CDH4: variants seen among roughly 807,000 people sequenced by gnomAD.
The protein encoded by CDH4 is cadherin-4.
A neutral mutation model predicts 86.0 loss-of-function variants in CDH4; 33 were observed. The observed-to-expected ratio is 0.38, with a 90% CI of 0.29 to 0.51. The LOEUF (loss-of-function observed/expected upper bound fraction) is 0.51. Among genes scored for constraint, CDH4 ranks in the 20% least tolerant of loss-of-function variants. CDH4 has a pLI of 0.86. For missense variants in CDH4, 1,114 were observed against 1,307.4 expected (o/e 0.85, Z 2.28); for synonymous variants, 555 against 549.4 (o/e 1.01, Z -0.14).
Position 61,320,131 on chromosome 20 carries a change from C to T in CDH4, c.169+65194C>T, listed in dbSNP as rs538005489. Among the ~76,000 whole-genome samples the T allele has an allele frequency of 3.3e-5, 5 of 152,168 alleles. No homozygotes were observed. In the South Asian group the frequency reaches 6.3e-4, roughly 19 times the overall value. On this transcript the variant is annotated intron_variant, in intron 2 of 15. Transcript: ENST00000614565. Reference sequence around the variant, plus strand: ...CAGCATCTCCCAGGTGGGACTGTTCCCTCTCTGCATTTATTTGGGCCTCGG... The same window carrying T: ...CAGCATCTCCCAGGTGGGACTGTTCTCTCTCTGCATTTATTTGGGCCTCGG...
intron 2 of CDH4, among the ~76,000 whole-genome samples, chr20:61,504,317 G>T (rs2085724996): frequency 1.3e-5 from 2 of 152,214 alleles, no homozygotes. Context: ...TCTCAAGGAA[G>T]CCTATTAGAT....
chr20:61,315,443 C>T (rs951096643), intron 2 of CDH4, among the ~76,000 whole-genome samples: 25 of 152,128 alleles, frequency 1.6e-4, no homozygotes, highest in Non-Finnish European at 5.9e-5. Flanking sequence ...AGCCAGCCAG[C>T]CTCAGACAGA....
At chr20:61,828,479 A>G (rs1981427361) in intron 4 of CDH4, among the ~76,000 whole-genome samples, 1 of 152,232 alleles carries the variant, frequency 6.6e-6, no homozygotes, top group Admixed American at 6.5e-5. Context: ...ATGAACCACA[A>G]GAAGATAGAA....
intron 13 of CDH4, among the ~76,000 whole-genome samples, chr20:61,931,003 T>G (rs1037097893): frequency 1.3e-5 from 2 of 152,194 alleles, no homozygotes; most frequent in African/African-American, 4.8e-5. Flanking sequence ...GCATCCGCAG[T>G]GGGGCCGGGG....
intron 2 of CDH4, among the ~76,000 whole-genome samples, chr20:61,731,009 G>C (rs1425531052): frequency 6.6e-6 from 1 of 152,086 alleles, no homozygotes. Context: ...AGCTGAGGGG[G>C]TCTCAGGCAG....
intron 2 of CDH4, among the ~76,000 whole-genome samples, chr20:61,415,033 G>C (rs918421299): frequency 6.6e-6 from 1 of 152,240 alleles, no homozygotes; most frequent in Non-Finnish European, 1.5e-5. Context: ...GGGCTTTTCC[G>C]CTAGCTGGAA....
intron 2 of CDH4, among the ~76,000 whole-genome samples, chr20:61,574,043 T>G (rs915204712): frequency 2.6e-5 from 4 of 152,112 alleles, no homozygotes; most frequent in Non-Finnish European, 5.9e-5. Context: ...GAGTGGACCT[T>G]CTGGCCAGCG....
intron 2 of CDH4, among the ~76,000 whole-genome samples, chr20:61,448,844 G>A (rs577047256): frequency 7.2e-5 from 11 of 152,122 alleles, no homozygotes; most frequent in African/African-American, 2.4e-4. Flanking sequence ...GCCAAACTTC[G>A]AGGTTAGTGA....
intron 2 of CDH4, among the ~76,000 whole-genome samples, chr20:61,561,135 A>G (rs1013176740): frequency 6.6e-6 from 1 of 152,108 alleles, no homozygotes; most frequent in Non-Finnish European, 1.5e-5. Context: ...ACCACCCCCA[A>G]GACCTGGGTG....
intron 2 of CDH4, among the ~76,000 whole-genome samples, chr20:61,532,058 T>C (rs938786553): frequency 6.6e-6 from 1 of 152,216 alleles, no homozygotes; most frequent in Admixed American, 6.5e-5. Context: ...CCTCAGGCTC[T>C]GCCACTGAGG....
At chr20:61,492,978 C>T (rs934869620) in intron 2 of CDH4, among the ~76,000 whole-genome samples, 2 of 152,170 alleles carry the variant, frequency 1.3e-5, no homozygotes, top group Admixed American at 6.5e-5. Flanking sequence ...TTTGAGCTGT[C>T]GTGCCTGTCA....
intron 2 of CDH4, among the ~76,000 whole-genome samples, chr20:61,572,477 G>T (rs914339660): frequency 6.6e-6 from 1 of 152,132 alleles, no homozygotes; most frequent in African/African-American, 2.4e-5. Flanking sequence ...GAGGGAAACG[G>T]CCGGCTGGGG....
At chr20:61,822,907 G>A (rs1393268725) in intron 4 of CDH4, among the ~76,000 whole-genome samples, 1 of 139,352 alleles carries the variant, frequency 7.2e-6, no homozygotes. Flanking sequence ...GAAGATCCCA[G>A]GTAACCCAAC....
chr20:61,753,266 C>A (rs1600948440), intron 3 of CDH4, among the ~76,000 whole-genome samples: 1 of 152,246 alleles, frequency 6.6e-6, no homozygotes, highest in South Asian at 2.1e-4. Context: ...AATTTCATTT[C>A]TCTTATGTCG....
intron 2 of CDH4, among the ~76,000 whole-genome samples, chr20:61,573,038 A>T (rs866042217): frequency 1.4e-5 from 2 of 143,388 alleles, no homozygotes; most frequent in African/African-American, 2.8e-5. Flanking sequence ...GGTTGGATGG[A>T]TGGATGGATG....
chr20:61,272,763 G>A (rs973203277), intron 2 of CDH4, among the ~76,000 whole-genome samples: 5 of 151,254 alleles, frequency 3.3e-5, no homozygotes, highest in African/African-American at 9.7e-5. Flanking sequence ...AGTACCATGC[G>A]TAGTTTGGGG....
intron 2 of CDH4, among the ~76,000 whole-genome samples, chr20:61,505,687 T>G (rs897424458): frequency 6.6e-6 from 1 of 151,748 alleles, no homozygotes; most frequent in Admixed American, 6.6e-5. Context: ...GTGCTTGGCA[T>G]CCTGCCTGGC....
At chr20:61,332,947 G>A (rs1019954765) in intron 2 of CDH4, among the ~76,000 whole-genome samples, 6 of 152,222 alleles carry the variant, frequency 3.9e-5, no homozygotes, top group African/African-American at 1.2e-4. Context: ...GGCCCCGAGA[G>A]CCTCTTACAG....
intron 2 of CDH4, among the ~76,000 whole-genome samples, chr20:61,323,550 G>A (rs1311747191): frequency 6.6e-6 from 1 of 152,182 alleles, no homozygotes. Context: ...TTCAGCTTCT[G>A]CCACCATTCT....
Sources: allele counts gnomAD v4.1 joint callset (sites outside exome capture counted in the v4.1 genomes callset), GRCh38; gene constraint gnomAD v4.1.1; transcripts MANE v1.5; gene names NCBI Gene and HGNC (gene_info 2026-07-23, HGNC 2026-07-21).